The following ITGB3 variants were observed in gnomAD, a reference collection of about 807,000 sequenced individuals.
ITGB3 encodes the protein integrin beta-3.
In ITGB3, 48 loss-of-function variants were observed where a neutral mutation model predicts 85.8. That is an observed-to-expected ratio of 0.56 (90% CI 0.44 to 0.71). The LOEUF is 0.71. ITGB3 is among the 30% of genes least tolerant of loss of function. ITGB3 has a pLI of 0.00. For synonymous variants in ITGB3, 363 were observed against 395.6 expected, an observed-to-expected ratio of 0.92 and a Z score of 0.98; for missense variants, 861 against 1,019.1, an observed-to-expected ratio of 0.84 and a Z score of 2.11.
intron 5 of ITGB3, 123 bp from the exon 6 acceptor site, chr17:47,286,947 T>C (rs1476207116): frequency 1.1e-6 from 1 of 945,602 alleles, no homozygotes; most frequent in Non-Finnish European, 1.6e-6. Flanking sequence ...GACCCTTGTT[T>C]TGAAGAAAAA....
At chr17:47,308,342 C>T (rs928542143) in intron 14 of ITGB3, among the ~76,000 whole-genome samples, 6 of 151,914 alleles carry the variant, frequency 3.9e-5, no homozygotes, top group Admixed American at 2.6e-4. Flanking sequence ...TTCCTCGACC[C>T]TCCAAATGGC....
In ITGB3 at chr17:47,292,454, G is replaced by A. The variant is rs138793107; in HGVS notation, c.1576G>A (p.Glu526Lys). ...EGQPVCSQRGECLCGQCVCHS... is the reference protein window; with the variant it reads ...EGQPVCSQRGKCLCGQCVCHS... ...TCAGCCCGTCTGCAGCCAGCGGGGC[G>A]AGTGCCTCTGTGGTCAATGTGTCTG... Residue 526 changes from glutamate (E) to lysine (K), a missense_variant, in exon 10 of 15, where the codon GAG (glutamate) becomes AAG (lysine). Physicochemically the swap from Glu to Lys is moderately conservative, Grantham distance 56 (BLOSUM62 1). Coordinates refer to ENST00000559488, the MANE Select transcript of ITGB3 (RefSeq NM_000212.3). 5.0e-6 allele frequency: 8 copies of A among 1,609,348 alleles called. No individual in the cohort carries two copies. Among genetic ancestry groups the A allele is most frequent in the East Asian group, 2.2e-5 (1 of 44,766 alleles).
At chr17:47,288,305 A>G (rs1181881966) in intron 6 of ITGB3, among the ~76,000 whole-genome samples, 1 of 152,156 alleles carries the variant, frequency 6.6e-6, no homozygotes, top group Non-Finnish European at 1.5e-5. Context: ...AAAGGGCCAG[A>G]GTCATTTAGC....
chr17:47,299,392 C>G lies in ITGB3; in HGVS notation c.1775C>G (p.Thr592Ser), dbSNP rs755788915. 2.5e-6 allele frequency: 4 copies of G among 1,614,262 alleles called. No homozygotes were observed. The African/African-American group carries it at 5.3e-5, about 22-fold the overall frequency. Residue 592 changes from threonine to serine, a missense_variant, in exon 11 of 15, where the codon ACC becomes AGC. Physicochemically the swap from Thr to Ser is moderately conservative, Grantham distance 58 (BLOSUM62 1). Transcript: ENST00000559488. The surrounding 1 kb of genome is among the most constrained non-coding windows in gnomAD (Gnocchi z 5.1). ...TGCAACTGTACCACGCGTACTGACACCTGCATGTCCAGCAATGGGCTGCTG... is the reference window on the plus strand; with the variant it reads ...TGCAACTGTACCACGCGTACTGACAGCTGCATGTCCAGCAATGGGCTGCTG... ...YYCNCTTRTD[T>S]CMSSNGLLCS...
At chr17:47,263,594 A>G (rs2065016130) in intron 1 of ITGB3, among the ~76,000 whole-genome samples, 1 of 151,396 alleles carries the variant, frequency 6.6e-6, no homozygotes, top group Non-Finnish European at 1.5e-5. Flanking sequence ...TGTTCAAGCA[A>G]TTCTCCTGCC....
chr17:47,289,698 GC>G lies in ITGB3; in HGVS notation c.958del (p.Leu320Ter). ...STTMDYPSLG[L>X]MTEKLSQKNI... Reference sequence around the variant, plus strand: ...TTTCCTAGGATTATCCCTCTTTGGGGCTGATGACTGAGAAGCTATCCCAGAA... The same window carrying G: ...TTTCCTAGGATTATCCCTCTTTGGGGTGATGACTGAGAAGCTATCCCAGAA... On this transcript the variant is annotated frameshift_variant, in exon 7 of 15. Coordinates refer to ENST00000559488, the MANE Select transcript of ITGB3 (RefSeq NM_000212.3). LOFTEE classifies it high-confidence loss of function. 6.2e-7 allele frequency: 1 copy of G among 1,613,100 alleles called. No homozygotes were observed. Among genetic ancestry groups the G allele is most frequent in the Non-Finnish European group, 8.5e-7 (1 of 1,179,076 alleles).
chr17:47,262,048 T>C (rs995722911), intron 1 of ITGB3, among the ~76,000 whole-genome samples: 1 of 152,272 alleles, frequency 6.6e-6, no homozygotes, highest in Non-Finnish European at 1.5e-5. Flanking sequence ...TATGCACCTT[T>C]GTTCAAGTGT....
In ITGB3 at chr17:47,300,595, T is replaced by TTA; in HGVS notation, c.2014+18_2014+19dup. On this transcript the variant is annotated intron_variant, in intron 12 of 14. Coordinates refer to ENST00000559488, the MANE Select transcript of ITGB3 (RefSeq NM_000212.3). ...AAGAGCTTAGTAAGTTCAGCACATC[T>TTA]TAGAGTTGCACACACCCAGGTTCTA... is the stretch of plus-strand genomic sequence containing the variant. The TTA allele has an allele frequency of 6.3e-7, 1 of 1,579,962 alleles. No individual in the cohort carries two copies. Among genetic ancestry groups the TTA allele is most frequent in the Non-Finnish European group, 8.7e-7 (1 of 1,149,926 alleles).
chr17:47,275,154 C>T (rs2065058928), intron 2 of ITGB3, among the ~76,000 whole-genome samples: 1 of 152,292 alleles, frequency 6.6e-6, no homozygotes, highest in South Asian at 2.1e-4. Context: ...CTTCCCTTCT[C>T]TTTGATGATT....
intron 6 of ITGB3, among the ~76,000 whole-genome samples, chr17:47,287,676 A>T (rs965336213): frequency 6.6e-6 from 1 of 152,174 alleles, no homozygotes. Context: ...TGGGAGGCTG[A>T]GGTGGGAGGA....
At chr17:47,282,395 C>T (rs1440631155) in intron 2 of ITGB3, among the ~76,000 whole-genome samples, 2 of 152,180 alleles carry the variant, frequency 1.3e-5, no homozygotes, top group African/African-American at 4.8e-5. Flanking sequence ...TTCTCTATTC[C>T]TCCCAGTCCC....
intron 6 of ITGB3, 36 bp downstream of exon 6, chr17:47,287,267 T>G (rs756387954): frequency 6.8e-6 from 11 of 1,611,206 alleles, no homozygotes; most frequent in Non-Finnish European, 9.3e-6. Flanking sequence ...TTTCTATTCA[T>G]GATTGTGAGG....
chr17:47,292,423 G>A lies in ITGB3; in HGVS notation c.1545G>A (p.Arg515=), dbSNP rs4634. 0.29 allele frequency: 465,695 copies of A among 1,611,026 alleles called. 67,908 individuals are homozygous for A. The highest frequency in any genetic ancestry group is 0.34 in the East Asian group (15,252 of 44,796). Residue 515 remains arginine (R), a synonymous_variant, in exon 10 of 15, where the codon CGG becomes CGA. Transcript: ENST00000559488. ...RPSQQDECSP[R]EGQPVCSQRG... is the part of the protein sequence containing the mutation. ...CCCAGCAGGACGAATGCAGCCCCCGGGAGGGTCAGCCCGTCTGCAGCCAGC... is the reference window on the plus strand; with the variant it reads ...CCCAGCAGGACGAATGCAGCCCCCGAGAGGGTCAGCCCGTCTGCAGCCAGC...
At chr17:47,255,139 C>T (rs1488291176) in intron 1 of ITGB3, among the ~76,000 whole-genome samples, 1 of 151,530 alleles carries the variant, frequency 6.6e-6, no homozygotes, top group Non-Finnish European at 1.5e-5. Flanking sequence ...CCACCACGGC[C>T]GGCTAATTTT....
chr17:47,272,700 C>CTTCT (rs143829232), intron 1 of ITGB3, among the ~76,000 whole-genome samples: 30,371 of 139,528 alleles, frequency 0.22, 3,910 homozygotes, highest in Middle Eastern at 0.37. Flanking sequence ...TCTTTCTTTC[C>CTTCT]TTCTTTCTTT....
intron 10 of ITGB3, among the ~76,000 whole-genome samples, chr17:47,296,955 C>A (rs937503634): frequency 6.6e-6 from 1 of 152,176 alleles, no homozygotes; most frequent in Non-Finnish European, 1.5e-5. Flanking sequence ...TTAAATAGTT[C>A]AGAACATTTG....
At chr17:47,263,475 G>GCCCCCCC (rs113192717) in intron 1 of ITGB3, among the ~76,000 whole-genome samples, 2 of 85,370 alleles carry the variant, frequency 2.3e-5, no homozygotes, top group African/African-American at 4.0e-5. Flanking sequence ...GCTATTCCCC[G>GCCCCCCC]CCCCCCCCAC....
chr17:47,294,398 G>A (rs1023218266), intron 10 of ITGB3, among the ~76,000 whole-genome samples: 4 of 152,226 alleles, frequency 2.6e-5, no homozygotes, highest in Admixed American at 1.3e-4. Flanking sequence ...TTCCTGGTCT[G>A]GTGTGAGGCA....
chr17:47,286,450 G>A (rs1445876074), intron 5 of ITGB3, 28 bp downstream of exon 5: 13 of 1,612,798 alleles, frequency 8.1e-6, no homozygotes, highest in African/African-American at 1.3e-5. Flanking sequence ...GGAGTGCCAG[G>A]TGTGGCTGGC....
Sources: gnomAD v4.1 joint callset for allele counts (sites outside exome capture counted in the v4.1 genomes callset) on GRCh38, gnomAD v4.1.1 for gene constraint, Gnocchi (gnomAD v3.1) non-coding constraint, MANE v1.5 for transcripts, NCBI Gene and HGNC (gene_info 2026-07-23, HGNC 2026-07-21) for gene names.